Variants in PHF19 observed in about 807,000 individuals in gnomAD.
The protein encoded by PHF19 is PHD finger protein 19, also known as polycomb like 3.
In PHF19, 21 loss-of-function variants were observed where a neutral mutation model predicts 79.8. The observed-to-expected ratio is 0.26, with a 90% confidence interval of 0.19 to 0.38. The LOEUF is 0.38. Among genes scored for constraint, PHF19 ranks in the 10% least tolerant of loss-of-function variants. The pLI, the probability that PHF19 is intolerant of heterozygous loss-of-function variation, is 1.00. For synonymous variants in PHF19, 273 were observed against 296.3 expected, an observed-to-expected ratio of 0.92 and a Z score of 0.81; for missense variants, 445 against 744.2, an observed-to-expected ratio of 0.60 and a Z score of 4.68.
rs2131495026 is a variant in PHF19, at chr9:120,862,147, C to G, written c.1131-142G>C. 1.4e-6 allele frequency: 1 copy of G among 713,824 alleles called. No homozygotes were observed. The highest frequency in any genetic ancestry group is 2.5e-6 in the Non-Finnish European group (1 of 393,436). The allele number at this position is 713,824 out of a possible 1,614,324, so 44.2% of individuals were successfully genotyped here. A position where few individuals can be genotyped will look rare whatever the true frequency, so the allele number is the denominator to read the frequency against. On this transcript the variant is annotated intron_variant, in intron 11 of 14. Transcript: ENST00000373896. This position sits in a 1 kb window ranked among gnomAD's most constrained non-coding sequence, Gnocchi z 4.6. ...CACAGCTGCACCTTCACAGGGAGGC[C>G]TGGGGAGGAGGGAGAGTCCTCAGGA...
At chr9:120,889,864 G>A (rs2046318338) in intron 1 of PHF19, among the ~76,000 whole-genome samples, 1 of 152,114 alleles carries the variant, frequency 6.6e-6, no homozygotes, top group Non-Finnish European at 1.5e-5. Flanking sequence ...AAGAAAGAGA[G>A]GAAGGAAGGA....
At chr9:120,868,730 C>T in intron 6 of PHF19, 1 of 659,360 alleles carries the variant, frequency 1.5e-6, no homozygotes, top group Non-Finnish European at 1.9e-6. Context: ...CTCGCCTCCT[C>T]AGGTCCTGTT....
intron 10 of PHF19, among the ~76,000 whole-genome samples, chr9:120,863,336 G>A (rs544909262): frequency 1.2e-4 from 18 of 151,990 alleles, no homozygotes; most frequent in Admixed American, 1.1e-3. Flanking sequence ...AGAGGTGTCT[G>A]GAAGAGTTTC....
intron 9 of PHF19, among the ~76,000 whole-genome samples, chr9:120,864,848 A>G (rs370036169): frequency 2.9e-4 from 44 of 152,324 alleles, no homozygotes; most frequent in African/African-American, 7.9e-4. Flanking sequence ...GTACCCATGC[A>G]TTAGTTCTAG....
upstream of PHF19, among the ~76,000 whole-genome samples, chr9:120,899,420 T>C (rs1338774193): frequency 7.0e-6 from 1 of 142,066 alleles, no homozygotes; most frequent in East Asian, 2.1e-4. Flanking sequence ...GGTGTGAACC[T>C]GGGAGGCAGA....
chr9:120,898,123 ATTGT>A (rs768563663), upstream of PHF19, among the ~76,000 whole-genome samples: 9 of 152,086 alleles, frequency 5.9e-5, no homozygotes, highest in East Asian at 3.9e-4. Flanking sequence ...TCTCTCTAAG[ATTGT>A]TTGTTTTGAG....
chr9:120,881,288 C>A (rs2046180090), upstream of PHF19, among the ~76,000 whole-genome samples: 1 of 151,862 alleles, frequency 6.6e-6, no homozygotes, highest in African/African-American at 2.4e-5. Context: ...GCTGGGACTA[C>A]AGGCACCCAC....
chr9:120,872,437 T>C (rs1445243786), intron 3 of PHF19, among the ~76,000 whole-genome samples: 1 of 152,218 alleles, frequency 6.6e-6, no homozygotes, highest in Non-Finnish European at 1.5e-5. Context: ...CTAAGGTGCA[T>C]GGTCTTCTCC....
At position 120,869,573 on chromosome 9, in the gene PHF19, T is replaced by C. The variant is rs1194111879; in HGVS notation, c.466-243A>G. ...GCAATAAAGGCAACAATTACCAACA[T>C]GTATTTACATGGATTTTCTTTTTTA... On this transcript the variant is annotated intron_variant, in intron 5 of 14. Coordinates refer to ENST00000373896, the MANE Select transcript of PHF19 (RefSeq NM_015651.3). The surrounding 1 kb of genome is among the most constrained non-coding windows in gnomAD (Gnocchi z 5.8). 6.9e-7 allele frequency: 1 copy of C among 1,459,160 alleles called. No homozygotes were observed. The highest frequency in any genetic ancestry group is 9.0e-7 in the Non-Finnish European group (1 of 1,108,372). The allele number at this position is 1,459,160 out of a possible 1,614,324, so 90.4% of individuals were successfully genotyped here. A position where few individuals can be genotyped will look rare whatever the true frequency, so the allele number is the denominator to read the frequency against.
upstream of PHF19, among the ~76,000 whole-genome samples, chr9:120,877,983 AG>A (rs1259176230): frequency 3.3e-5 from 5 of 152,210 alleles, no homozygotes; most frequent in African/African-American, 1.2e-4. Context: ...AAGAGACACA[AG>A]TTTTCCTGAA....
At chr9:120,858,518 G>A (rs552390578) in intron 14 of PHF19, among the ~76,000 whole-genome samples, 12 of 152,286 alleles carry the variant, frequency 7.9e-5, no homozygotes, top group South Asian at 6.2e-4. Flanking sequence ...AGAGCCCTGC[G>A]AGGAGGGAAA....
chr9:120,866,237 G>C lies in PHF19; in HGVS notation c.711-141C>G, dbSNP rs2045696355. 2.9e-6 allele frequency: 2 copies of C among 682,444 alleles called. No homozygotes were observed. Among genetic ancestry groups the C allele is most frequent in the South Asian group, 1.6e-5 (1 of 63,174 alleles). 42.3% of individuals were successfully genotyped at this position (682,444 alleles called of 1,614,324 possible). On this transcript the variant is annotated intron_variant, in intron 7 of 14. Transcript: ENST00000373896. The surrounding 1 kb of genome is among the most constrained non-coding windows in gnomAD (Gnocchi z 5.2). ...AGGACTGCTGGCCACTGGGGGTCAA[G>C]GACAGGGCAGGACAGGGACTAAGAG...
chr9:120,865,920 G>A, intron 8 of PHF19, 90 bp from the exon 9 acceptor site: 1 of 1,595,034 alleles, frequency 6.3e-7, no homozygotes, highest in Non-Finnish European at 8.6e-7. Context: ...TGAGAGACAG[G>A]GGCAGGGTTG....
intron 3 of PHF19, among the ~76,000 whole-genome samples, chr9:120,871,014 T>C (rs2045879309): frequency 1.3e-5 from 2 of 152,314 alleles, no homozygotes; most frequent in South Asian, 4.1e-4. Flanking sequence ...GCAATTCTCC[T>C]GCCTCAGCCT....
At position 120,860,243 on chromosome 9, in the gene PHF19, C is replaced by G; in HGVS notation, c.1305-58G>C. 2.1e-6 allele frequency: 2 copies of G among 937,920 alleles called. No individual in the cohort carries two copies. Among genetic ancestry groups the G allele is most frequent in the Non-Finnish European group, 3.4e-6 (2 of 588,836 alleles). The allele number at this position is 937,920 out of a possible 1,614,324, so 58.1% of individuals were successfully genotyped here. ...GCCCGGCCCAGCAAGTTCCTGCCAA[C>G]CTGGCCCGCAGGTTCCCCTAACATG... is the stretch of plus-strand genomic sequence containing the variant. On this transcript the variant is annotated intron_variant, in intron 13 of 14. Coordinates refer to ENST00000373896, the MANE Select transcript of PHF19 (RefSeq NM_015651.3). This position sits in a 1 kb window ranked among gnomAD's most constrained non-coding sequence, Gnocchi z 4.1.
intron 1 of PHF19, among the ~76,000 whole-genome samples, chr9:120,893,354 C>T (rs2046365681): frequency 1.3e-5 from 2 of 152,292 alleles, no homozygotes; most frequent in South Asian, 4.1e-4. Context: ...GGTCTCTGCT[C>T]CCCTCCACAC....
chr9:120,877,307 G>T, upstream of PHF19: 1 of 973,414 alleles, frequency 1.0e-6, no homozygotes, highest in South Asian at 4.6e-5. Flanking sequence ...GGGCCCCCCG[G>T]GCGCGGGGCG....
rs574862100 is a variant in PHF19, at chr9:120,859,551, G to C, written c.1400+539C>G. Reference sequence around the variant, plus strand: ...CTGAGGACCAGCTGTTGCCAGACCAGTTGTACTGGAGATAGGCCCCCAGGG... The same window carrying C: ...CTGAGGACCAGCTGTTGCCAGACCACTTGTACTGGAGATAGGCCCCCAGGG... On this transcript the variant is annotated intron_variant, in intron 14 of 14. Transcript: ENST00000373896. Among the ~76,000 whole-genome samples, 627 of 152,324 alleles carry C rather than the reference G, an allele frequency of 4.1e-3. 4 individuals carry two copies. Among genetic ancestry groups the C allele is most frequent in the African/African-American group, 0.014 (587 of 41,560 alleles).
At position 120,866,816 on chromosome 9, in the gene PHF19, C is replaced by G. The variant is rs959169046; in HGVS notation, c.710+54G>C. The G allele has an allele frequency of 1.2e-5, 12 of 960,684 alleles. No individual in the cohort carries two copies. The highest frequency in any genetic ancestry group is 1.9e-5 in the Non-Finnish European group (11 of 584,992). The allele number at this position is 960,684 out of a possible 1,614,324, so 59.5% of individuals were successfully genotyped here. On this transcript the variant is annotated intron_variant, in intron 7 of 14. Coordinates refer to ENST00000373896, the MANE Select transcript of PHF19 (RefSeq NM_015651.3). The surrounding 1 kb of genome is among the most constrained non-coding windows in gnomAD (Gnocchi z 5.2). ...AACCTGCAGGAGTTGTTGCTGCCAT[C>G]CCTGCCCTCTCCCCACCACGCCCAA...
Sources: allele counts gnomAD v4.1 joint callset (sites outside exome capture counted in the v4.1 genomes callset), GRCh38; gene constraint gnomAD v4.1.1; non-coding constraint Gnocchi (gnomAD v3.1); transcripts MANE v1.5; gene names NCBI Gene and HGNC (gene_info 2026-07-23, HGNC 2026-07-21).